The following PCDHGB1 variants were observed in gnomAD, a reference collection of about 807,000 sequenced individuals.
The protein encoded by PCDHGB1 is protocadherin gamma subfamily B, 1, also known as protocadherin gamma-B1.
PCDHGB1 carries 34 observed loss-of-function variants against 56.6 expected under a neutral mutation model. The ratio of observed to expected loss-of-function variants is 0.60; its 90% CI spans 0.46 to 0.80. The LOEUF is 0.80. Ranked by LOEUF, PCDHGB1 falls within the 30% of genes least tolerant of loss-of-function variation. PCDHGB1 has a pLI of 0.00. For missense variants in PCDHGB1, 1,278 were observed against 1,204.6 expected (o/e 1.06, Z -0.90); for synonymous variants, 561 against 505.9 (o/e 1.11, Z -1.46).
chr5:141,485,009 C>A lies in PCDHGB1; in HGVS notation c.2410-9798C>A, dbSNP rs531346426. 4 of 628,216 alleles carry A rather than the reference C, an allele frequency of 6.4e-6. No individual in the cohort carries two copies. Among genetic ancestry groups the A allele is most frequent in the African/African-American group, 3.7e-5 (2 of 54,100 alleles). 38.9% of individuals were successfully genotyped at this position (628,216 alleles called of 1,614,324 possible). On this transcript the variant is annotated intron_variant, in intron 1 of 3. Transcript: ENST00000523390. This position sits in a 1 kb window ranked among gnomAD's most constrained non-coding sequence, Gnocchi z 5.7. Reference sequence around the variant, plus strand: ...GGTGGTGAAAGGCAGACAAATCTACCCCGCCACCAGCAAAAACGGCGCGTA... The same window carrying A: ...GGTGGTGAAAGGCAGACAAATCTACACCGCCACCAGCAAAAACGGCGCGTA...
Position 141,406,431 on chromosome 5 carries a change from T to A in PCDHGB1, c.2409+53762T>A, listed in dbSNP as rs1316370664. 2.0e-5 allele frequency among the ~76,000 whole-genome samples: 3 copies of A among 152,352 alleles called. No individual in the cohort carries two copies. In the South Asian group the frequency reaches 6.2e-4, roughly 32 times the overall value. ...CAGCTGAAAGCCCAGATTTATTGCT[T>A]CTATTCTTCCATTTCTATGACAGGA... On this transcript the variant is annotated intron_variant, in intron 1 of 3. Coordinates refer to ENST00000523390, the MANE Select transcript of PCDHGB1 (RefSeq NM_018922.3).
chr5:141,396,923 G>A (rs6886638), intron 1 of PCDHGB1, among the ~76,000 whole-genome samples: 45,883 of 152,076 alleles, frequency 0.3, 8,183 homozygotes, highest in African/African-American at 0.5. Context: ...TTAAAAACTC[G>A]GATGAAAGTT....
intron 1 of PCDHGB1, chr5:141,388,885 A>G (rs1359019533): frequency 1.9e-6 from 3 of 1,614,002 alleles, no homozygotes; most frequent in East Asian, 2.2e-5. Context: ...GTGGAGGTAG[A>G]AGTCATAGAT....
chr5:141,389,509 C>A, intron 1 of PCDHGB1: 2 of 1,613,118 alleles, frequency 1.2e-6, no homozygotes, highest in Non-Finnish European at 8.5e-7. Flanking sequence ...GCGCTCAGCG[C>A]GAACGTGAGC....
intron 1 of PCDHGB1, among the ~76,000 whole-genome samples, chr5:141,401,348 A>G (rs1312849099): frequency 2.0e-5 from 3 of 152,220 alleles, no homozygotes; most frequent in African/African-American, 4.8e-5. Flanking sequence ...ATCTCAAAAA[A>G]AAGGAAGGAG....
At chr5:141,365,450 G>C (rs763661542) in intron 1 of PCDHGB1, 2 of 1,614,010 alleles carry the variant, frequency 1.2e-6, no homozygotes, top group South Asian at 2.2e-5. Flanking sequence ...CGTACATGAT[G>C]GTGATTCTGG....
chr5:141,375,109 T>G (rs199796645), intron 1 of PCDHGB1: 1 of 1,613,952 alleles, frequency 6.2e-7, no homozygotes, highest in Middle Eastern at 1.6e-4. Flanking sequence ...ATGTCAATGA[T>G]AATGTACCAG....
chr5:141,373,575 A>C (rs1769694796), intron 1 of PCDHGB1, among the ~76,000 whole-genome samples: 1 of 152,236 alleles, frequency 6.6e-6, no homozygotes, highest in African/African-American at 2.4e-5. Flanking sequence ...GACTAGCATA[A>C]ATGGTGGTGA....
chr5:141,376,384 T>G, intron 1 of PCDHGB1: 1 of 1,614,204 alleles, frequency 6.2e-7, no homozygotes, highest in South Asian at 1.1e-5. Flanking sequence ...GTAAGAGTCA[T>G]CTGATTTTCC....
At chr5:141,352,708 G>T (rs193159920) in intron 1 of PCDHGB1, 39 bp downstream of exon 1, 2 of 1,543,542 alleles carry the variant, frequency 1.3e-6, no homozygotes, top group African/African-American at 2.7e-5. Context: ...TATATATGGC[G>T]GCCGGGCGCG....
At chr5:141,420,108 A>G (rs780657975) in intron 1 of PCDHGB1, 1 of 1,614,030 alleles carries the variant, frequency 6.2e-7, no homozygotes, top group Non-Finnish European at 8.5e-7. Flanking sequence ...ACGTTGCCCT[A>G]TGCCTATAAT....
intron 1 of PCDHGB1, chr5:141,423,684 T>G (rs201506477): frequency 6.6e-7 from 1 of 1,524,756 alleles, no homozygotes; most frequent in Non-Finnish European, 8.8e-7. Context: ...CTCTGCCTCC[T>G]AATTGTTGGT....
At chr5:141,385,374 T>A in intron 1 of PCDHGB1, 1 of 1,523,876 alleles carries the variant, frequency 6.6e-7, no homozygotes, top group Non-Finnish European at 8.8e-7. Context: ...TGCATGATAT[T>A]TCTCTATTAT....
intron 1 of PCDHGB1, chr5:141,372,386 C>T (rs376952769): frequency 2.8e-5 from 45 of 1,614,038 alleles, no homozygotes; most frequent in Non-Finnish European, 3.8e-5. Flanking sequence ...ACCTAATCTT[C>T]GCAGATAGCT....
chr5:141,484,994 G>A (rs1257915410), intron 1 of PCDHGB1: 4 of 610,330 alleles, frequency 6.6e-6, no homozygotes, highest in Non-Finnish European at 1.2e-5. Context: ...GGTGGTGAAA[G>A]GCAGACAAAT....
chr5:141,390,060 C>G, intron 1 of PCDHGB1: 3 of 1,614,082 alleles, frequency 1.9e-6, no homozygotes, highest in Non-Finnish European at 2.5e-6. Flanking sequence ...GAGCTGCTTC[C>G]AGCCTGGTCT....
intron 1 of PCDHGB1, chr5:141,408,047 A>C (rs1038145479): frequency 2.4e-6 from 3 of 1,243,316 alleles, no homozygotes; most frequent in Non-Finnish European, 3.2e-6. Context: ...GCTCCCACAC[A>C]GAGCCTCCCG....
At chr5:141,468,330 CAAA>C (rs533390277) in intron 1 of PCDHGB1, 32,113 of 79,068 alleles carry the variant, frequency 0.41, 3,870 homozygotes, top group African/African-American at 0.52. Flanking sequence ...AACTCCATCT[CAAA>C]AAAAAAAAAA....
intron 1 of PCDHGB1, chr5:141,415,281 C>T (rs1321418691): frequency 6.2e-7 from 1 of 1,614,080 alleles, no homozygotes; most frequent in African/African-American, 1.3e-5. Context: ...TAGCGGTGGC[C>T]GCGGTCTCCT....
Sources: gnomAD v4.1 joint callset for allele counts (sites outside exome capture counted in the v4.1 genomes callset) on GRCh38, gnomAD v4.1.1 for gene constraint, Gnocchi (gnomAD v3.1) non-coding constraint, MANE v1.5 for transcripts, NCBI Gene and HGNC (gene_info 2026-07-23, HGNC 2026-07-21) for gene names.